Variants in SLMAP observed in about 807,000 individuals in gnomAD.
SLMAP encodes the protein sarcolemmal membrane-associated protein.
Under a neutral mutation model 128.8 loss-of-function variants are expected in SLMAP, and 44 were observed. The observed-to-expected ratio is 0.34, with a 90% CI of 0.27 to 0.44. The LOEUF (loss-of-function observed/expected upper bound fraction) is 0.44, where lower values mean the gene tolerates loss of function less well. Ranked by LOEUF, SLMAP falls within the 20% of genes least tolerant of loss-of-function variation. The pLI is 1.00. For missense variants in SLMAP, 787 were observed against 985.3 expected (o/e 0.80, Z 2.69); for synonymous variants, 327 against 348.8 (o/e 0.94, Z 0.70).
chr3:57,858,089 C>G lies in SLMAP; in HGVS notation c.617C>G (p.Ala206Gly). 6.4e-7 allele frequency: 1 copy of G among 1,564,250 alleles called. No homozygotes were observed. The highest frequency in any genetic ancestry group is 8.8e-7 in the Non-Finnish European group (1 of 1,135,062). Residue 206 changes from alanine to glycine, a missense_variant and splice_region_variant, in exon 8 of 25, where the codon GCT (alanine) becomes GGT (glycine). Physicochemically the swap from Ala to Gly is moderately conservative, Grantham distance 60. Around this residue, in one of 2 missense-constraint regions of SLMAP, gnomAD observed 715 missense variants for 843.6 expected, o/e 0.85. Transcript: ENST00000671191. ...TTACATTTAATTTTTCTTCAATAGG[C>G]TTTAATAGATGAAGATAGACTCTTA... ...TQEASDTSWQ[A>G]LIDEDRLLSR...
chr3:57,913,221 G>T lies in SLMAP; in HGVS notation c.2084G>T (p.Arg695Met). 6.2e-7 allele frequency: 1 copy of T among 1,601,016 alleles called. No individual in the cohort carries two copies. The highest frequency in any genetic ancestry group is 8.5e-7 in the Non-Finnish European group (1 of 1,170,986). ...GAAACCGAATGCCATTCTCTAAAAA[G>T]GGAAAATGTTTTGCTATCATCAGAA... is the stretch of plus-strand genomic sequence containing the variant. ...ALETECHSLK[R>M]ENVLLSSELQ... The change falls in exon 21 of 25, where the codon AGG becomes ATG. Residue 695 changes from arginine to methionine, a missense_variant. Physicochemically the swap from Arg to Met is moderately conservative, Grantham distance 91 (BLOSUM62 -1). Coordinates refer to ENST00000671191, the MANE Select transcript of SLMAP (RefSeq NM_001377540.1).
At chr3:57,817,151 G>A (rs1447817428) in intron 2 of SLMAP, among the ~76,000 whole-genome samples, 1 of 152,176 alleles carries the variant, frequency 6.6e-6, no homozygotes, top group Non-Finnish European at 1.5e-5. Context: ...TCAGTGTGGA[G>A]GGTGTAGAGT....
chr3:57,872,571 G>A (rs1030553679), intron 14 of SLMAP, among the ~76,000 whole-genome samples: 5 of 152,182 alleles, frequency 3.3e-5, no homozygotes, highest in African/African-American at 1.2e-4. Flanking sequence ...GTGAGCCGAG[G>A]TCGTGCCACT....
At chr3:57,907,439 A>C (rs917627526) in intron 17 of SLMAP, among the ~76,000 whole-genome samples, 5 of 152,212 alleles carry the variant, frequency 3.3e-5, no homozygotes, top group African/African-American at 1.2e-4. Flanking sequence ...TTGTGCTAAA[A>C]TTTAGCTGTT....
intron 2 of SLMAP, among the ~76,000 whole-genome samples, chr3:57,778,290 T>G (rs910789914): frequency 5.9e-5 from 9 of 151,976 alleles, no homozygotes; most frequent in African/African-American, 2.2e-4. Flanking sequence ...TAATATTACC[T>G]TGTTATACTT....
At chr3:57,776,522 C>CTCTCTCTT (rs571722815) in intron 2 of SLMAP, among the ~76,000 whole-genome samples, 154 of 92,556 alleles carry the variant, frequency 1.7e-3, no homozygotes, top group African/African-American at 2.9e-3. Context: ...CTCTCTCTCT[C>CTCTCTCTT]TTTTTTTTTT....
At chr3:57,868,810 A>G (rs1460031309) in intron 13 of SLMAP, among the ~76,000 whole-genome samples, 1 of 139,056 alleles carries the variant, frequency 7.2e-6, no homozygotes, top group Non-Finnish European at 1.5e-5. Context: ...ATATATATAT[A>G]TATATATATA....
intron 17 of SLMAP, among the ~76,000 whole-genome samples, chr3:57,902,436 G>C (rs368950113): frequency 1.3e-5 from 2 of 152,318 alleles, no homozygotes; most frequent in South Asian, 4.1e-4. Context: ...GTAAGATAGA[G>C]TGATCATTAT....
Position 57,922,938 on chromosome 3 carries a change from T to A in SLMAP, c.2360T>A (p.Met787Lys). ...TCAGAACTGAAGTTGAAGTTTGAAA[T>A]GACTGAGCAGGAAAAGCAGTCAATC... Reference protein sequence around the residue: ...VLSELKLKFEMTEQEKQSITD... With the variant: ...VLSELKLKFEKTEQEKQSITD... The change falls in exon 23 of 25, where the codon ATG (methionine) becomes AAG (lysine). Residue 787 changes from methionine to lysine, a missense_variant. Physicochemically the swap from Met to Lys is moderately conservative, Grantham distance 95 (BLOSUM62 -1). Around this residue, in one of 2 missense-constraint regions of SLMAP, gnomAD observed 715 missense variants for 843.6 expected, o/e 0.85. Coordinates refer to ENST00000671191, the MANE Select transcript of SLMAP (RefSeq NM_001377540.1). 2 of 1,613,738 alleles carry A rather than the reference T, an allele frequency of 1.2e-6. No homozygotes were observed. Among genetic ancestry groups the A allele is most frequent in the South Asian group, 1.1e-5 (1 of 91,074 alleles).
chr3:57,887,235 A>ATT (rs1327302890), intron 14 of SLMAP, among the ~76,000 whole-genome samples: 32 of 141,376 alleles, frequency 2.3e-4, no homozygotes, highest in Non-Finnish European at 3.7e-4. Context: ...AAGCCATGAG[A>ATT]TTTTTTTTTT....
intron 8 of SLMAP, 93 bp from the exon 9 acceptor site, chr3:57,860,606 A>C (rs1320123439): frequency 2.0e-5 from 19 of 945,798 alleles, no homozygotes; most frequent in Non-Finnish European, 2.8e-5. Context: ...TTAATATATA[A>C]TTTAAAGTAT....
chr3:57,898,734 A>G (rs1016933810), intron 17 of SLMAP: 6 of 152,204 alleles, frequency 3.9e-5, no homozygotes, highest in African/African-American at 1.4e-4. Flanking sequence ...TTAAAATTAT[A>G]AAGACACAAG....
At position 57,860,695 on chromosome 3, in the gene SLMAP, G is replaced by A; in HGVS notation, c.688-4G>A. 1 of 1,532,840 alleles carries A rather than the reference G, an allele frequency of 6.5e-7. No homozygotes were observed. Among genetic ancestry groups the A allele is most frequent in the Non-Finnish European group, 8.8e-7 (1 of 1,142,546 alleles). The allele number at this position is 1,532,840 out of a possible 1,614,324, so 95.0% of individuals were successfully genotyped here. ...TCTATAATTATAAATATCTTTTATTGTAGAATCAAACAGAAGATAGTTTAC... is the reference window on the plus strand; with the variant it reads ...TCTATAATTATAAATATCTTTTATTATAGAATCAAACAGAAGATAGTTTAC... On this transcript the variant is annotated splice_polypyrimidine_tract_variant and splice_region_variant and intron_variant, in intron 8 of 24. Transcript: ENST00000671191.
At chr3:57,790,734 A>G (rs2085285427) in intron 2 of SLMAP, among the ~76,000 whole-genome samples, 3 of 152,228 alleles carry the variant, frequency 2.0e-5, no homozygotes, top group South Asian at 4.1e-4. Context: ...ACCATATAAA[A>G]TAAGGTCATG....
intron 3 of SLMAP, among the ~76,000 whole-genome samples, chr3:57,836,400 AT>A (rs916314230): frequency 1.3e-5 from 2 of 152,234 alleles, no homozygotes; most frequent in African/African-American, 4.8e-5. Context: ...ATGTGTGTGT[AT>A]CAGGATTTTG....
chr3:57,824,291 G>A (rs2092755962), intron 2 of SLMAP, among the ~76,000 whole-genome samples: 1 of 152,124 alleles, frequency 6.6e-6, no homozygotes, highest in Non-Finnish European at 1.5e-5. Context: ...AAGACATCAA[G>A]CTTACCAACA....
intron 2 of SLMAP, among the ~76,000 whole-genome samples, chr3:57,824,749 A>G (rs780703723): frequency 1.3e-5 from 2 of 152,138 alleles, no homozygotes; most frequent in Non-Finnish European, 2.9e-5. Flanking sequence ...TGCAATTTCC[A>G]TATGAATTTG....
At chr3:57,856,811 G>T (rs2094814107) in intron 6 of SLMAP, among the ~76,000 whole-genome samples, 2 of 152,012 alleles carry the variant, frequency 1.3e-5, no homozygotes, top group South Asian at 4.2e-4. Flanking sequence ...TATATAACTG[G>T]CAGCACAGTA....
rs1014436013 is a variant in SLMAP, at chr3:57,820,662, C to T, written c.199-10721C>T. 5.3e-5 allele frequency among the ~76,000 whole-genome samples: 8 copies of T among 152,162 alleles called. No homozygotes were observed. The East Asian group carries it at 5.8e-4, about 11-fold the overall frequency. On this transcript the variant is annotated intron_variant, in intron 2 of 24. Coordinates refer to ENST00000671191, the MANE Select transcript of SLMAP (RefSeq NM_001377540.1). Reference sequence around the variant, plus strand: ...TGTAGAATTGATTCTGCCCTCCTAGCGACCATCTCAGAGAGGCTGCAAAGG... The same window carrying T: ...TGTAGAATTGATTCTGCCCTCCTAGTGACCATCTCAGAGAGGCTGCAAAGG...
Sources: allele counts gnomAD v4.1 joint callset (sites outside exome capture counted in the v4.1 genomes callset), GRCh38; gene constraint gnomAD v4.1.1; regional missense constraint gnomAD v4.1.1; transcripts MANE v1.5; gene names NCBI Gene and HGNC (gene_info 2026-07-23, HGNC 2026-07-21).